UBE2H: variants seen among roughly 807,000 people sequenced by gnomAD.
UBE2H encodes the protein ubiquitin conjugating enzyme E2 H.
Under a neutral mutation model 29.0 loss-of-function variants are expected in UBE2H, and 3 were observed. The ratio of observed to expected loss-of-function variants is 0.10; its 90% CI spans 0.05 to 0.27. UBE2H has a LOEUF of 0.27. Among genes scored for constraint, UBE2H ranks in the 10% least tolerant of loss-of-function variants. The probability of loss-of-function intolerance (pLI) is 1.00; values close to 1 mark genes in which losing one functional copy is unlikely to be tolerated. For synonymous variants in UBE2H, 69 were observed against 82.9 expected (o/e 0.83, Z 0.91); for missense variants, 68 against 228.2 (o/e 0.30, Z 4.52).
intron 6 of UBE2H, among the ~76,000 whole-genome samples, chr7:129,837,488 C>T (rs1041239164): frequency 3.9e-5 from 6 of 151,932 alleles, no homozygotes; most frequent in African/African-American, 7.3e-5. Context: ...AAGGTGAGGA[C>T]GCAAGAAGTT....
chr7:129,949,831 C>T (rs528371308), intron 1 of UBE2H, among the ~76,000 whole-genome samples: 41 of 152,142 alleles, frequency 2.7e-4, no homozygotes, highest in Non-Finnish European at 4.9e-4. Context: ...GCTCAGGAGA[C>T]ATCCAAAAAT....
intron 1 of UBE2H, among the ~76,000 whole-genome samples, chr7:129,896,404 T>C (rs901968365): frequency 6.6e-5 from 10 of 152,112 alleles, no homozygotes; most frequent in East Asian, 3.8e-4. Flanking sequence ...TATTTATTTA[T>C]TTACTGATTG....
intron 1 of UBE2H, among the ~76,000 whole-genome samples, chr7:129,939,891 G>A (rs1376923650): frequency 3.3e-5 from 5 of 151,866 alleles, no homozygotes; most frequent in Admixed American, 6.6e-5. Context: ...CCTGAGAGGC[G>A]GAGATTGCAG....
intron 1 of UBE2H, among the ~76,000 whole-genome samples, chr7:129,942,806 T>C (rs975078232): frequency 4.6e-5 from 7 of 152,104 alleles, no homozygotes; most frequent in African/African-American, 1.7e-4. Flanking sequence ...AAAAATAAAA[T>C]TGCTGTTTGT....
chr7:129,899,954 C>T (rs1283106040), intron 1 of UBE2H, among the ~76,000 whole-genome samples: 1 of 151,872 alleles, frequency 6.6e-6, no homozygotes, highest in Non-Finnish European at 1.5e-5. Context: ...ATGGCAAAAC[C>T]CCGTCTCTCT....
At chr7:129,916,249 G>A (rs1199115963) in intron 1 of UBE2H, among the ~76,000 whole-genome samples, 3 of 152,080 alleles carry the variant, frequency 2.0e-5, no homozygotes, top group Non-Finnish European at 1.5e-5. Flanking sequence ...AAACAGATCC[G>A]ATTCAAGGGG....
chr7:129,844,532 A>G (rs1394909212), intron 5 of UBE2H, among the ~76,000 whole-genome samples: 1 of 152,234 alleles, frequency 6.6e-6, no homozygotes, highest in Non-Finnish European at 1.5e-5. Context: ...GTCAGTTCAA[A>G]GATCTTTATC....
intron 3 of UBE2H, 140 bp from the exon 4 acceptor site, chr7:129,859,081 T>G: frequency 1.5e-6 from 1 of 657,162 alleles, no homozygotes; most frequent in Non-Finnish European, 2.6e-6. Context: ...CTTTCATTAC[T>G]GATAAACATT....
rs1460931890 is a variant in UBE2H, at chr7:129,942,206, C to T, written c.53+10297G>A. Reference sequence around the variant, plus strand: ...CCAGCCTAGGTGACAGTGTGAGACTCGGTCTCAAAAAAAAAAAAAAAAAAA... The same window carrying T: ...CCAGCCTAGGTGACAGTGTGAGACTTGGTCTCAAAAAAAAAAAAAAAAAAA... On this transcript the variant is annotated intron_variant, in intron 1 of 6. Transcript: ENST00000355621. Among the ~76,000 whole-genome samples the T allele has an allele frequency of 8.1e-4, 86 of 105,724 alleles. 2 individuals carry two copies. The highest frequency in any genetic ancestry group is 1.9e-4 in the Non-Finnish European group (11 of 56,686). The allele number at this position is 105,724 out of a possible 152,430, so 69.4% of individuals were successfully genotyped here. A position where few individuals can be genotyped will look rare whatever the true frequency, so the allele number is the denominator to read the frequency against.
chr7:129,891,345 C>T (rs1806484343), intron 1 of UBE2H, among the ~76,000 whole-genome samples: 1 of 151,924 alleles, frequency 6.6e-6, no homozygotes, highest in African/African-American at 2.4e-5. Context: ...GCCACCGCAC[C>T]TGGCTAAATC....
At chr7:129,872,693 A>G (rs962457708) in intron 3 of UBE2H, among the ~76,000 whole-genome samples, 5 of 151,740 alleles carry the variant, frequency 3.3e-5, no homozygotes, top group Non-Finnish European at 7.4e-5. Context: ...AAACACAAAA[A>G]TTAGCAGGGC....
At chr7:129,882,179 G>C (rs1051007399) in intron 1 of UBE2H, among the ~76,000 whole-genome samples, 3 of 152,110 alleles carry the variant, frequency 2.0e-5, no homozygotes, top group Non-Finnish European at 2.9e-5. Flanking sequence ...TATTAGAAGA[G>C]AGGACTACTC....
At chr7:129,909,725 C>A (rs1168707122) in intron 1 of UBE2H, among the ~76,000 whole-genome samples, 1 of 152,040 alleles carries the variant, frequency 6.6e-6, no homozygotes, top group Non-Finnish European at 1.5e-5. Context: ...GTGGCCCCAC[C>A]TCTTTAGTAA....
intron 1 of UBE2H, among the ~76,000 whole-genome samples, chr7:129,947,105 G>A (rs914060537): frequency 6.6e-6 from 1 of 152,206 alleles, no homozygotes; most frequent in Non-Finnish European, 1.5e-5. Context: ...ACGTTTATGG[G>A]TCACATCTGC....
intron 1 of UBE2H, among the ~76,000 whole-genome samples, chr7:129,900,756 T>C (rs1288230339): frequency 3.3e-5 from 5 of 149,788 alleles, no homozygotes; most frequent in Non-Finnish European, 5.9e-5. Flanking sequence ...TTTTCCTTTT[T>C]TTTTTTTTTT....
intron 3 of UBE2H, 58 bp downstream of exon 3, chr7:129,879,510 G>C (rs1379584720): frequency 1.3e-6 from 2 of 1,510,722 alleles, no homozygotes; most frequent in African/African-American, 2.8e-5. Context: ...TGAAATGTAA[G>C]ATTTTTCCCC....
intron 1 of UBE2H, among the ~76,000 whole-genome samples, chr7:129,887,878 C>T (rs1260690343): frequency 6.6e-6 from 1 of 151,962 alleles, no homozygotes; most frequent in East Asian, 1.9e-4. Context: ...AATGAAACTC[C>T]GTCTCAAAAA....
At chr7:129,895,296 T>A (rs1318976210) in intron 1 of UBE2H, among the ~76,000 whole-genome samples, 1 of 152,098 alleles carries the variant, frequency 6.6e-6, no homozygotes, top group Non-Finnish European at 1.5e-5. Context: ...GACCTAGACC[T>A]GCAAATTCTA....
intron 5 of UBE2H, 56 bp downstream of exon 5, chr7:129,857,455 C>A: frequency 1.3e-6 from 2 of 1,557,584 alleles, no homozygotes; most frequent in South Asian, 2.4e-5. Context: ...AGCCAAACAA[C>A]ATTTTTTTAG....
Sources: allele counts gnomAD v4.1 joint callset (sites outside exome capture counted in the v4.1 genomes callset), GRCh38; gene constraint gnomAD v4.1.1; transcripts MANE v1.5; gene names NCBI Gene and HGNC (gene_info 2026-07-23, HGNC 2026-07-21).